Variants in PTPN2 observed in about 807,000 individuals in gnomAD.
PTPN2 encodes the protein tyrosine-protein phosphatase non-receptor type 2.
PTPN2 carries 19 observed loss-of-function variants against 57.3 expected under a neutral mutation model. The ratio of observed to expected loss-of-function variants is 0.33; its 90% CI spans 0.23 to 0.49. PTPN2 has a LOEUF of 0.49. Ranked by LOEUF, PTPN2 falls within the 20% of genes least tolerant of loss-of-function variation. The pLI, the probability that PTPN2 is intolerant of heterozygous loss-of-function variation, is 0.99. For synonymous variants in PTPN2, 153 were observed against 164.9 expected, an observed-to-expected ratio of 0.93 and a Z score of 0.55; for missense variants, 358 against 501.1, an observed-to-expected ratio of 0.71 and a Z score of 2.73.
Position 12,801,901 on chromosome 18 carries a change from T to G in PTPN2, c.1040+69A>C, listed in dbSNP as rs2041442469. ...TACATACCTGAAATCCTATGGCACCTGGTCCCATAAAATTTATTTTTAAAA... is the reference window on the plus strand; with the variant it reads ...TACATACCTGAAATCCTATGGCACCGGGTCCCATAAAATTTATTTTTAAAA... On this transcript the variant is annotated intron_variant, in intron 8 of 8. Transcript: ENST00000309660. 2.2e-6 allele frequency: 3 copies of G among 1,340,434 alleles called. No individual in the cohort carries two copies. In the South Asian group the frequency reaches 4.3e-5, roughly 19 times the overall value. The allele number at this position is 1,340,434 out of a possible 1,614,324, so 83.0% of individuals were successfully genotyped here.
chr18:12,857,629 CTCAA>C (rs1158726637), intron 2 of PTPN2, among the ~76,000 whole-genome samples: 2 of 152,144 alleles, frequency 1.3e-5, no homozygotes, highest in African/African-American at 4.8e-5. Context: ...CTCAGTGATT[CTCAA>C]TCAGAGATTT....
At chr18:12,879,776 G>C (rs2044608108) in intron 1 of PTPN2, among the ~76,000 whole-genome samples, 1 of 152,162 alleles carries the variant, frequency 6.6e-6, no homozygotes, top group Non-Finnish European at 1.5e-5. Context: ...CTACCACTAA[G>C]CAAGTCCAGC....
Position 12,883,984 on chromosome 18 carries a change from G to A in PTPN2, c.69+89C>T. The A allele has an allele frequency of 3.3e-6, 4 of 1,204,102 alleles. No individual in the cohort carries two copies. The South Asian group carries it at 4.4e-5, about 13-fold the overall frequency. The allele number at this position is 1,204,102 out of a possible 1,614,324, so 74.6% of individuals were successfully genotyped here. A position where few individuals can be genotyped will look rare whatever the true frequency, so the allele number is the denominator to read the frequency against. On this transcript the variant is annotated intron_variant, in intron 1 of 8. Transcript: ENST00000309660. ...CCCGAGCGAGAGGCTAGAGGCGAGA[G>A]GCGGGGGAGGCGGGAGGGACCCTGC...
At chr18:12,858,562 T>TA (rs1299809559) in intron 2 of PTPN2, among the ~76,000 whole-genome samples, 1 of 151,688 alleles carries the variant, frequency 6.6e-6, no homozygotes. Flanking sequence ...TTGTTTATAA[T>TA]AAAAAAAAGT....
chr18:12,866,155 C>T (rs1485038693), intron 1 of PTPN2, among the ~76,000 whole-genome samples: 2 of 152,114 alleles, frequency 1.3e-5, no homozygotes, highest in East Asian at 3.9e-4. Context: ...GTTAAAGAAA[C>T]CAGCCGGGCG....
chr18:12,860,398 A>T (rs1238409004), intron 1 of PTPN2, among the ~76,000 whole-genome samples: 2 of 151,894 alleles, frequency 1.3e-5, no homozygotes, highest in Non-Finnish European at 2.9e-5. Flanking sequence ...GGAGTTCAAG[A>T]CCAGCCTGGC....
intron 1 of PTPN2, among the ~76,000 whole-genome samples, chr18:12,860,724 T>C (rs1465517238): frequency 6.6e-6 from 1 of 152,170 alleles, no homozygotes; most frequent in Non-Finnish European, 1.5e-5. Context: ...ATTGCGCCAC[T>C]GCAACAACCA....
At chr18:12,785,509 A>G (rs2040826545) in exon 10 of PTPN2, 2 of 407,338 alleles carry the variant, frequency 4.9e-6, no homozygotes, top group South Asian at 3.2e-5. Context: ...AATGCTGCCA[A>G]AAAGTATAAA....
chr18:12,824,004 T>C (rs1484890291), intron 5 of PTPN2, among the ~76,000 whole-genome samples: 1 of 152,174 alleles, frequency 6.6e-6, no homozygotes, highest in Admixed American at 6.5e-5. Flanking sequence ...TTTAATGCCA[T>C]AAGCAAATGA....
intron 8 of PTPN2, among the ~76,000 whole-genome samples, chr18:12,797,430 A>G (rs980821760): frequency 1.3e-5 from 2 of 152,098 alleles, no homozygotes; most frequent in Non-Finnish European, 2.9e-5. Flanking sequence ...AAGGTTTTGT[A>G]CTATATTTGG....
intron 8 of PTPN2, among the ~76,000 whole-genome samples, chr18:12,796,585 A>G (rs1056633357): frequency 2.0e-5 from 3 of 152,222 alleles, no homozygotes; most frequent in Non-Finnish European, 4.4e-5. Flanking sequence ...CTCCTCAAAA[A>G]GTTAAACATA....
At chr18:12,840,824 T>A in intron 2 of PTPN2, 1 of 1,597,744 alleles carries the variant, frequency 6.3e-7, no homozygotes, top group Non-Finnish European at 8.5e-7. Context: ...CACGTTGCTC[T>A]CCACTCAGGT....
intron 8 of PTPN2, 106 bp from the exon 9 acceptor site, chr18:12,794,591 C>A (rs981216485): frequency 4.5e-6 from 6 of 1,341,884 alleles, no homozygotes; most frequent in East Asian, 2.4e-5. Flanking sequence ...ATAGTTTTCA[C>A]CCTATTTGAA....
intron 1 of PTPN2, among the ~76,000 whole-genome samples, chr18:12,872,964 T>C (rs915244081): frequency 3.3e-5 from 5 of 152,204 alleles, no homozygotes; most frequent in Non-Finnish European, 5.9e-5. Flanking sequence ...CTCACGCCTG[T>C]AATCCCAGCA....
At chr18:12,828,849 G>A (rs2042566832) in intron 4 of PTPN2, among the ~76,000 whole-genome samples, 4 of 152,062 alleles carry the variant, frequency 2.6e-5, no homozygotes, top group Admixed American at 2.6e-4. Flanking sequence ...TCCAGGTCTG[G>A]GCAGCAAGAG....
intron 7 of PTPN2, among the ~76,000 whole-genome samples, chr18:12,804,289 C>CAAAAAAAAAAAAAAAA (rs59927276): frequency 2.9e-5 from 2 of 67,864 alleles, no homozygotes; most frequent in African/African-American, 1.3e-4. Context: ...GAAACTGTCT[C>CAAAAAAAAAAAAAAAA]AAAAAAAAAA....
chr18:12,810,579 G>A (rs896701108), intron 7 of PTPN2, among the ~76,000 whole-genome samples: 2 of 152,124 alleles, frequency 1.3e-5, no homozygotes, highest in African/African-American at 2.4e-5. Flanking sequence ...CTGAGTAGCT[G>A]GGACTATAGG....
chr18:12,804,446 C>T (rs1227610896), intron 7 of PTPN2, among the ~76,000 whole-genome samples: 2 of 149,054 alleles, frequency 1.3e-5, no homozygotes, highest in East Asian at 2.0e-4. Flanking sequence ...AAAAAAGAAA[C>T]GAAAGATCAA....
chr18:12,809,302 T>A (rs574877669), intron 7 of PTPN2, among the ~76,000 whole-genome samples: 1 of 152,318 alleles, frequency 6.6e-6, no homozygotes, highest in African/African-American at 2.4e-5. Context: ...CTAGAAAATA[T>A]GTTTCCTGTG....
Sources: gnomAD v4.1 joint callset for allele counts (sites outside exome capture counted in the v4.1 genomes callset) on GRCh38, gnomAD v4.1.1 for gene constraint, MANE v1.5 for transcripts, NCBI Gene and HGNC (gene_info 2026-07-23, HGNC 2026-07-21) for gene names.